Variants in MAP1B observed in about 807,000 individuals in gnomAD.
MAP1B encodes the protein microtubule-associated protein 1B.
A neutral mutation model predicts 176.1 loss-of-function variants in MAP1B; 12 were observed. The observed-to-expected ratio is 0.07, with a 90% confidence interval of 0.04 to 0.11. The LOEUF is 0.11. Among genes scored for constraint, MAP1B ranks in the 10% least tolerant of loss-of-function variants. The pLI is 1.00. For missense variants in MAP1B, 2,523 were observed against 2,990.5 expected (o/e 0.84, Z 3.65); for synonymous variants, 1,044 against 1,135.0 (o/e 0.92, Z 1.61).
rs746742166 is a variant in MAP1B, at chr5:72,197,712, C to G, written c.4357C>G (p.Leu1453Val). Residue 1453 changes from leucine to valine, a missense_variant, in exon 5 of 7, where the codon CTT becomes GTT. Leu to Val is a conservative substitution (Grantham distance 32). Around this residue, in one of 4 missense-constraint regions of MAP1B, gnomAD observed 1,925 missense variants for 2,126.0 expected, o/e 0.91. Transcript: ENST00000296755. ...AGTTTCTGAAATGACTTCTACTAGT[C>G]TTTACCAAGACAAACAGGAAGGGAA... ...SPVSEMTSTS[L>V]YQDKQEGKST... The G allele has an allele frequency of 9.3e-6, 15 of 1,613,940 alleles. No homozygotes were observed. The Admixed American group carries it at 2.0e-4, about 22-fold the overall frequency.
In MAP1B at chr5:72,195,403, A is replaced by T; in HGVS notation, c.2048A>T (p.Glu683Val). The change falls in exon 5 of 7, where the codon GAA becomes GTA. Residue 683 changes from glutamate to valine, a missense_variant. Glu to Val is a moderately radical substitution (Grantham distance 121). Transcript: ENST00000296755. ...CCAAAAAAGGAAGAGGTGAAAAAAG[A>T]AGTCAAAAAAGAGATCAAGAAAGAA... ...EKPKKEEVKK[E>V]VKKEIKKEEK... 6.4e-7 allele frequency: 1 copy of T among 1,560,536 alleles called. No homozygotes were observed. The highest frequency in any genetic ancestry group is 8.6e-7 in the Non-Finnish European group (1 of 1,156,800).
intron 4 of MAP1B, among the ~76,000 whole-genome samples, chr5:72,190,297 A>G (rs965448233): frequency 3.9e-5 from 6 of 152,216 alleles, no homozygotes; most frequent in African/African-American, 1.4e-4. Context: ...GAAAAATGAA[A>G]CAATTATTAA....
intron 2 of MAP1B, among the ~76,000 whole-genome samples, chr5:72,147,134 A>G (rs1746061228): frequency 6.6e-6 from 1 of 151,936 alleles, no homozygotes; most frequent in South Asian, 2.1e-4. Context: ...ACGACTGGCT[A>G]ATTTTTGTAT....
Position 72,197,261 on chromosome 5 carries a change from C to G in MAP1B, c.3906C>G (p.Thr1302=), listed in dbSNP as rs376924988. The G allele has an allele frequency of 2.5e-6, 4 of 1,614,020 alleles. No individual in the cohort carries two copies. The highest frequency in any genetic ancestry group is 3.4e-6 in the Non-Finnish European group (4 of 1,180,012). ...AEVAPVSPEV[T]QEVVEEHCAS... ...TAGCCCCGGTGTCTCCTGAGGTGAC[C>G]CAAGAAGTAGTTGAAGAACATTGTG... The change falls in exon 5 of 7, where the codon ACC becomes ACG. Residue 1302 remains threonine, a synonymous_variant. Coordinates refer to ENST00000296755, the MANE Select transcript of MAP1B (RefSeq NM_005909.5).
chr5:72,111,196 G>C (rs1745331333), intron 1 of MAP1B, among the ~76,000 whole-genome samples: 1 of 152,126 alleles, frequency 6.6e-6, no homozygotes, highest in South Asian at 2.1e-4. Flanking sequence ...TTAATACATA[G>C]AGGACATACA....
chr5:72,145,873 G>A (rs10073698), intron 2 of MAP1B, among the ~76,000 whole-genome samples: 10,636 of 152,206 alleles, frequency 0.07, 442 homozygotes, highest in Middle Eastern at 0.095. Context: ...ATTGTTCCAC[G>A]TGGGTTCAGT....
Position 72,115,724 on chromosome 5 carries a change from A to G in MAP1B, c.211A>G (p.Ile71Val), listed in dbSNP as rs768049854. 5 of 1,613,280 alleles carry G rather than the reference A, an allele frequency of 3.1e-6. No homozygotes were observed. The highest frequency in any genetic ancestry group is 4.2e-6 in the Non-Finnish European group (5 of 1,179,364). The stretch of plus-strand genomic sequence containing the variant: ...AATCCGATCATGGGACACAAACCTG[A>G]TTGAATGCAACTTGGACCAAGAACT... ...LGIRSWDTNL[I>V]ECNLDQELKL... The change falls in exon 2 of 7, where the codon ATT (isoleucine) becomes GTT (valine). Residue 71 changes from isoleucine to valine, a missense_variant. This residue lies in a region of MAP1B where 307 missense variants were observed against 438.4 expected (regional missense o/e 0.70). Coordinates refer to ENST00000296755, the MANE Select transcript of MAP1B (RefSeq NM_005909.5).
chr5:72,109,307 A>C (rs1745261169), intron 1 of MAP1B, among the ~76,000 whole-genome samples: 1 of 152,100 alleles, frequency 6.6e-6, no homozygotes, highest in Admixed American at 6.5e-5. Flanking sequence ...AGAACAAGAG[A>C]TATTTCAGTA....
At chr5:72,113,759 A>G (rs1006360083) in intron 1 of MAP1B, among the ~76,000 whole-genome samples, 3 of 152,236 alleles carry the variant, frequency 2.0e-5, no homozygotes, top group Non-Finnish European at 4.4e-5. Flanking sequence ...TTCAGTCAAC[A>G]ATACCAATTA....
At chr5:72,107,810 CCCG>C in intron 1 of MAP1B, 95 bp downstream of exon 1, 1 of 1,330,506 alleles carries the variant, frequency 7.5e-7, no homozygotes, top group Non-Finnish European at 1.0e-6. Flanking sequence ...TCCCGCGCGC[CCCG>C]CACCCATGCC....
chr5:72,123,880 C>T (rs937574558), intron 2 of MAP1B, among the ~76,000 whole-genome samples: 1 of 152,152 alleles, frequency 6.6e-6, no homozygotes, highest in African/African-American at 2.4e-5. Context: ...ATCCTCCTGC[C>T]CCCACTTCCC....
At chr5:72,107,736 A>T (rs1745122374) in intron 1 of MAP1B, 21 bp downstream of exon 1, 4 of 1,596,466 alleles carry the variant, frequency 2.5e-6, no homozygotes, top group Admixed American at 1.7e-5. Flanking sequence ...CCGCGCCCCC[A>T]GAGACGCGCG....
At chr5:72,166,742 C>A (rs1327701269) in intron 2 of MAP1B, among the ~76,000 whole-genome samples, 1 of 152,196 alleles carries the variant, frequency 6.6e-6, no homozygotes, top group Non-Finnish European at 1.5e-5. Flanking sequence ...CCCCAGGCAG[C>A]AGTAGCTGGC....
chr5:72,187,240 T>C (rs1746927791), intron 4 of MAP1B, among the ~76,000 whole-genome samples: 1 of 152,130 alleles, frequency 6.6e-6, no homozygotes, highest in African/African-American at 2.4e-5. Flanking sequence ...AGGAGCCACG[T>C]AGGAAAATGG....
rs1441341049 is a variant in MAP1B at position 72,194,048 on chromosome 5, G to A, written c.693G>A (p.Glu231=). 1 of 1,614,052 alleles carries A rather than the reference G, an allele frequency of 6.2e-7. No individual in the cohort carries two copies. The highest frequency in any genetic ancestry group is 8.5e-7 in the Non-Finnish European group (1 of 1,180,044). ...PEMEGLSEFT[E]YLSESVEVPS... is the part of the protein sequence containing the mutation. ...TGGAAGGACTTTCTGAGTTTACCGA[G>A]TATCTCTCAGAATCAGTGGAAGTCC... Residue 231 remains glutamate (E), a synonymous_variant, in exon 5 of 7, where the codon GAG becomes GAA. Transcript: ENST00000296755. This position sits in a 1 kb window ranked among gnomAD's most constrained non-coding sequence, Gnocchi z 7.2.
At chr5:72,148,128 T>A (rs1437177354) in intron 2 of MAP1B, among the ~76,000 whole-genome samples, 1 of 152,252 alleles carries the variant, frequency 6.6e-6, no homozygotes, top group African/African-American at 2.4e-5. Context: ...ATTAAGATTT[T>A]AAAAATGGAA....
intron 2 of MAP1B, among the ~76,000 whole-genome samples, chr5:72,160,948 GA>G (rs1746315237): frequency 6.6e-6 from 1 of 152,206 alleles, no homozygotes; most frequent in South Asian, 2.1e-4. Context: ...TCATAGGCTA[GA>G]AAGACCCCAG....
intron 2 of MAP1B, among the ~76,000 whole-genome samples, chr5:72,157,696 A>G (rs560387382): frequency 8.5e-5 from 13 of 152,350 alleles, no homozygotes; most frequent in Non-Finnish European, 1.8e-4. Context: ...TACCTTCCTG[A>G]TAAGTTTCCC....
At chr5:72,145,077 T>A (rs1238766522) in intron 2 of MAP1B, among the ~76,000 whole-genome samples, 1 of 152,172 alleles carries the variant, frequency 6.6e-6, no homozygotes, top group Non-Finnish European at 1.5e-5. Context: ...CTGGGACAAA[T>A]TCCCTTCTCA....
Sources: allele counts gnomAD v4.1 joint callset (sites outside exome capture counted in the v4.1 genomes callset), GRCh38; gene constraint gnomAD v4.1.1; regional missense constraint gnomAD v4.1.1; non-coding constraint Gnocchi (gnomAD v3.1); transcripts MANE v1.5; gene names NCBI Gene and HGNC (gene_info 2026-07-23, HGNC 2026-07-21).